Variants in NRXN1 observed in about 807,000 individuals in gnomAD.
NRXN1 encodes the protein neurexin-1.
A neutral mutation model predicts 150.9 loss-of-function variants in NRXN1; 39 were observed. That is an observed-to-expected ratio of 0.26 (90% CI 0.20 to 0.34). The LOEUF (loss-of-function observed/expected upper bound fraction) is 0.34. NRXN1 is among the 10% of genes least tolerant of loss of function. NRXN1 has a pLI of 1.00. For missense variants in NRXN1, 1,815 were observed against 1,949.9 expected, an observed-to-expected ratio of 0.93 and a Z score of 1.30; for synonymous variants, 924 against 757.0, an observed-to-expected ratio of 1.22 and a Z score of -3.62.
intron 13 of NRXN1, among the ~76,000 whole-genome samples, chr2:50,505,703 A>T (rs1016112195): frequency 6.6e-6 from 1 of 152,160 alleles, no homozygotes; most frequent in Admixed American, 6.5e-5. Flanking sequence ...CCACATTGAC[A>T]CAGTTGACTG....
intron 5 of NRXN1, among the ~76,000 whole-genome samples, chr2:50,654,106 T>A (rs1686041993): frequency 6.6e-6 from 1 of 150,614 alleles, no homozygotes; most frequent in Non-Finnish European, 1.5e-5. Context: ...TGTATACATG[T>A]GCCATGTTGG....
Position 50,404,443 on chromosome 2 carries a change from ACT to A in NRXN1, c.3364+60997_3364+60998del, listed in dbSNP as rs1171988481. On this transcript the variant is annotated intron_variant, in intron 17 of 22. Transcript: ENST00000401669. ...AACCCACTGAGTTTTTAGGAAAGAC[ACT>A]CACACAACTCAGTGAAAAGCTTCTT... is the stretch of plus-strand genomic sequence containing the variant. Among the ~76,000 whole-genome samples, 6 of 152,084 alleles carry A rather than the reference ACT, an allele frequency of 3.9e-5. 1 individual carries two copies. In the South Asian group the frequency reaches 1.2e-3, roughly 31 times the overall value.
chr2:50,532,235 G>A (rs1240829221), intron 10 of NRXN1, among the ~76,000 whole-genome samples: 1 of 152,056 alleles, frequency 6.6e-6, no homozygotes, highest in Non-Finnish European at 1.5e-5. Context: ...TGCACAATGA[G>A]AGGGTACTGC....
intron 15 of NRXN1, among the ~76,000 whole-genome samples, chr2:50,477,227 C>T (rs553153717): frequency 6.6e-6 from 1 of 151,968 alleles, no homozygotes; most frequent in East Asian, 1.9e-4. Context: ...GGAAAGGCCA[C>T]CATAGAACTT....
At chr2:50,242,506 C>T (rs1200491083) in intron 17 of NRXN1, among the ~76,000 whole-genome samples, 1 of 151,604 alleles carries the variant, frequency 6.6e-6, no homozygotes, top group Non-Finnish European at 1.5e-5. Flanking sequence ...CTATAGGTTC[C>T]TAATTACTAA....
intron 18 of NRXN1, among the ~76,000 whole-genome samples, chr2:50,231,673 C>G (rs2064954506): frequency 6.6e-6 from 1 of 152,098 alleles, no homozygotes; most frequent in Non-Finnish European, 1.5e-5. Flanking sequence ...CTCCTCCACC[C>G]TCAGTGACAT....
At chr2:51,001,175 C>A (rs1416262875) in intron 2 of NRXN1, among the ~76,000 whole-genome samples, 1 of 130,844 alleles carries the variant, frequency 7.6e-6, no homozygotes, top group Admixed American at 1.0e-4. Context: ...AAGCTCAAAT[C>A]GAGTTTACTG....
intron 15 of NRXN1, among the ~76,000 whole-genome samples, chr2:50,474,814 T>C (rs1573135583): frequency 2.2e-5 from 3 of 138,260 alleles, no homozygotes; most frequent in Admixed American, 7.6e-5. Context: ...CCATGCCACC[T>C]CTCTTTACCC....
At chr2:50,336,804 T>C (rs2077217482) in intron 17 of NRXN1, among the ~76,000 whole-genome samples, 1 of 152,170 alleles carries the variant, frequency 6.6e-6, no homozygotes. Flanking sequence ...AATAAAGTGA[T>C]GAGGAAGCGA....
In NRXN1 at chr2:50,326,472, T is replaced by C. The variant is rs147151792; in HGVS notation, c.3365-89502A>G. 7.9e-5 allele frequency among the ~76,000 whole-genome samples: 12 copies of C among 152,234 alleles called. No individual in the cohort carries two copies. The East Asian group carries it at 2.3e-3, about 29-fold the overall frequency. ...CTTACGATAACACTTAGCTATTAAATAAAATTGCGGGCTGGCAGCTGTAGG... is the reference window on the plus strand; with the variant it reads ...CTTACGATAACACTTAGCTATTAAACAAAATTGCGGGCTGGCAGCTGTAGG... On this transcript the variant is annotated intron_variant, in intron 17 of 22. Transcript: ENST00000401669.
rs533000255 is a variant in NRXN1, at chr2:50,818,963, G to A, written c.832+102906C>T. Among the ~76,000 whole-genome samples, 34 of 152,090 alleles carry A rather than the reference G, an allele frequency of 2.2e-4. No individual in the cohort carries two copies. In the Middle Eastern group the frequency reaches 0.01, roughly 46 times the overall value. On this transcript the variant is annotated intron_variant, in intron 5 of 22. Transcript: ENST00000401669. ...ATGCAAATCAAAACCACAAGGAGGA[G>A]GGAAAGCAATGCGATATCAACCGAC...
intron 2 of NRXN1, among the ~76,000 whole-genome samples, chr2:50,996,312 G>A (rs936550242): frequency 6.6e-6 from 1 of 152,062 alleles, no homozygotes; most frequent in Non-Finnish European, 1.5e-5. Flanking sequence ...TCTCATATCT[G>A]CTTCCAGGAA....
In NRXN1 at chr2:50,703,671, C is replaced by T. The variant is rs189821009; in HGVS notation, c.833-80056G>A. On this transcript the variant is annotated intron_variant, in intron 5 of 22. Coordinates refer to ENST00000401669, the MANE Select transcript of NRXN1 (RefSeq NM_001330078.2). ...ACTACTTACAGTAATTTAATAGCAA[C>T]TTAATTCAGATCAGAGCTGTGCAAT... 6.6e-5 allele frequency among the ~76,000 whole-genome samples: 10 copies of T among 152,260 alleles called. No individual in the cohort carries two copies. The East Asian group carries it at 1.7e-3, about 26-fold the overall frequency.
At chr2:50,372,708 C>T (rs1041703144) in intron 17 of NRXN1, among the ~76,000 whole-genome samples, 1 of 152,102 alleles carries the variant, frequency 6.6e-6, no homozygotes, top group Non-Finnish European at 1.5e-5. Context: ...GCAATACTCA[C>T]TCATATCGCA....
intron 18 of NRXN1, among the ~76,000 whole-genome samples, chr2:50,110,162 G>T (rs1282399469): frequency 6.6e-6 from 1 of 152,094 alleles, no homozygotes; most frequent in Non-Finnish European, 1.5e-5. Flanking sequence ...CCATAACCAA[G>T]AGAACATCAG....
intron 5 of NRXN1, among the ~76,000 whole-genome samples, chr2:50,787,942 T>C (rs1017880323): frequency 7.2e-5 from 11 of 152,212 alleles, no homozygotes; most frequent in African/African-American, 2.6e-4. Flanking sequence ...ATAATATAAA[T>C]GAAAGCATCT....
chr2:50,748,576 C>T lies in NRXN1; in HGVS notation c.833-124961G>A, dbSNP rs192219420. Among the ~76,000 whole-genome samples the T allele has an allele frequency of 5.3e-5, 8 of 152,114 alleles. No individual in the cohort carries two copies. In the South Asian group the frequency reaches 6.2e-4, roughly 12 times the overall value. ...CTCCATGGTAAATTATAAATACTCC[C>T]GAAATCCCTCCAACAGTTTACAGGG... On this transcript the variant is annotated intron_variant, in intron 5 of 22. Coordinates refer to ENST00000401669, the MANE Select transcript of NRXN1 (RefSeq NM_001330078.2).
intron 19 of NRXN1, among the ~76,000 whole-genome samples, chr2:50,068,452 C>T (rs1695703326): frequency 6.6e-6 from 1 of 152,062 alleles, no homozygotes; most frequent in East Asian, 1.9e-4. Flanking sequence ...AAGTAATTAT[C>T]CTGTGGTCAG....
intron 18 of NRXN1, among the ~76,000 whole-genome samples, chr2:50,221,684 A>G (rs2063899995): frequency 6.6e-6 from 1 of 152,052 alleles, no homozygotes; most frequent in South Asian, 2.1e-4. Context: ...AATTAATCAC[A>G]TGTAGAATTT....
Sources: gnomAD v4.1 joint callset for allele counts (sites outside exome capture counted in the v4.1 genomes callset) on GRCh38, gnomAD v4.1.1 for gene constraint, MANE v1.5 for transcripts, NCBI Gene and HGNC (gene_info 2026-07-23, HGNC 2026-07-21) for gene names.